Variants in TMEM71 observed in about 807,000 individuals in gnomAD.
The protein encoded by TMEM71 is transmembrane protein 71.
Under a neutral mutation model 38.0 loss-of-function variants are expected in TMEM71, and 44 were observed. The observed-to-expected ratio is 1.16, with a 90% confidence interval of 0.91 to 1.49. The LOEUF is 1.49. Among genes scored for constraint, TMEM71 ranks in the 40% most tolerant of loss-of-function variants. TMEM71 has a pLI of 0.00. For synonymous variants in TMEM71, 133 were observed against 122.5 expected (o/e 1.09, Z -0.56); for missense variants, 367 against 348.6 (o/e 1.05, Z -0.42).
chr8:132,735,482 G>A (rs1827696950), intron 5 of TMEM71, among the ~76,000 whole-genome samples: 1 of 152,214 alleles, frequency 6.6e-6, no homozygotes, highest in African/African-American at 2.4e-5. Flanking sequence ...TGGAAAGCAA[G>A]AAGTCTGGGG....
Position 132,746,957 on chromosome 8 carries a change from G to A in TMEM71, c.472C>T (p.His158Tyr). The change falls in exon 5 of 10, where the codon CAT (histidine) becomes TAT (tyrosine). Residue 158 changes from histidine to tyrosine, a missense_variant. Physicochemically the swap from His to Tyr is moderately conservative, Grantham distance 83. Coordinates refer to ENST00000677595, the MANE Select transcript of TMEM71 (RefSeq NM_001382403.1). ...LKGTRRLDTD[H>Y]CNGNADDLDC... The stretch of plus-strand genomic sequence containing the variant: ...TCAAACTCACCATTTCCATTGCAAT[G>A]GTCTGTGTCCAACCTCCTGGTCCCC... 6.2e-7 allele frequency: 1 copy of A among 1,602,788 alleles called. No homozygotes were observed. The highest frequency in any genetic ancestry group is 8.5e-7 in the Non-Finnish European group (1 of 1,176,634).
chr8:132,727,411 C>A (rs1656314259), intron 6 of TMEM71, among the ~76,000 whole-genome samples: 1 of 152,066 alleles, frequency 6.6e-6, no homozygotes, highest in Non-Finnish European at 1.5e-5. Context: ...CACCCGCCAC[C>A]ATGCCCAGCT....
intron 4 of TMEM71, among the ~76,000 whole-genome samples, chr8:132,749,041 C>T (rs1206950142): frequency 2.0e-5 from 3 of 152,198 alleles, no homozygotes; most frequent in Non-Finnish European, 4.4e-5. Flanking sequence ...TAGTCCCTAG[C>T]ACACAGAAAG....
At position 132,734,142 on chromosome 8, in the gene TMEM71, T is replaced by C. The variant is rs371646421; in HGVS notation, c.488-6156A>G. On this transcript the variant is annotated intron_variant, in intron 5 of 9. Coordinates refer to ENST00000677595, the MANE Select transcript of TMEM71 (RefSeq NM_001382403.1). ...GTATTTATTAATAAGGTAGCTCTCA[T>C]GTTATGTTCTTACACACACACACAC... Among the ~76,000 whole-genome samples the C allele has an allele frequency of 9.7e-4, 147 of 151,002 alleles. 3 individuals are homozygous for C. Among genetic ancestry groups the C allele is most frequent in the African/African-American group, 3.5e-3 (145 of 41,046 alleles).
At chr8:132,725,519 G>A (rs1827095174) in intron 6 of TMEM71, among the ~76,000 whole-genome samples, 1 of 152,112 alleles carries the variant, frequency 6.6e-6, no homozygotes, top group Non-Finnish European at 1.5e-5. Flanking sequence ...AATCCACTTT[G>A]AGTTGGGTTT....
chr8:132,713,865 A>C (rs779248356), intron 9 of TMEM71, 130 bp downstream of exon 9: 26 of 813,936 alleles, frequency 3.2e-5, no homozygotes, highest in Non-Finnish European at 4.6e-5. Context: ...AGTAACAGAA[A>C]GTAGTCTTCA....
chr8:132,748,473 A>C (rs1205685601), intron 4 of TMEM71, among the ~76,000 whole-genome samples: 1 of 152,214 alleles, frequency 6.6e-6, no homozygotes, highest in African/African-American at 2.4e-5. Flanking sequence ...AAATGTGAAT[A>C]GTGCTACTGT....
At position 132,758,834 on chromosome 8, in the gene TMEM71, A is replaced by G. The variant is rs768071748; in HGVS notation, c.40+6T>C. On this transcript the variant is annotated splice_donor_region_variant and intron_variant, in intron 2 of 9. Transcript: ENST00000677595. The stretch of plus-strand genomic sequence containing the variant: ...TAATTGCGTATCACAGTTCTTCTAC[A>G]TTTACTTGCTACTGGTGTTGACATC... The G allele has an allele frequency of 3.1e-6, 5 of 1,613,146 alleles. No individual in the cohort carries two copies. The highest frequency in any genetic ancestry group is 4.2e-6 in the Non-Finnish European group (5 of 1,179,194).
At chr8:132,736,444 A>T (rs1280648350) in intron 5 of TMEM71, among the ~76,000 whole-genome samples, 1 of 152,134 alleles carries the variant, frequency 6.6e-6, no homozygotes, top group African/African-American at 2.4e-5. Context: ...AAAGGGTACA[A>T]AATTCCAGTC....
intron 5 of TMEM71, among the ~76,000 whole-genome samples, chr8:132,734,346 A>C (rs1827629069): frequency 6.6e-6 from 1 of 152,118 alleles, no homozygotes; most frequent in Non-Finnish European, 1.5e-5. Context: ...CACCTCAATA[A>C]AGCTGTTAAA....
chr8:132,774,850 C>T, the TMEM71 span, among the ~76,000 whole-genome samples: 2 of 152,300 alleles, frequency 1.3e-5, no homozygotes, highest in South Asian at 2.1e-4. Flanking sequence ...TAGTAATATT[C>T]GTCTTTGTAT....
intron 5 of TMEM71, among the ~76,000 whole-genome samples, chr8:132,744,010 A>G (rs1828196724): frequency 6.6e-6 from 1 of 152,100 alleles, no homozygotes; most frequent in African/African-American, 2.4e-5. Context: ...CGAATTCCCC[A>G]TTATATCATA....
At chr8:132,749,690 G>A (rs1457360412) in intron 4 of TMEM71, among the ~76,000 whole-genome samples, 1 of 152,178 alleles carries the variant, frequency 6.6e-6, no homozygotes, top group East Asian at 1.9e-4. Flanking sequence ...AGTTAAGCTA[G>A]AACACTCATG....
At chr8:132,720,972 A>C (rs1465902288) in intron 7 of TMEM71, among the ~76,000 whole-genome samples, 1 of 152,242 alleles carries the variant, frequency 6.6e-6, no homozygotes, top group Non-Finnish European at 1.5e-5. Flanking sequence ...TAATCATGTC[A>C]CAGGTCAGGG....
intron 5 of TMEM71, among the ~76,000 whole-genome samples, chr8:132,744,175 CTACCACAG>C (rs1828206764): frequency 6.6e-6 from 1 of 151,842 alleles, no homozygotes; most frequent in Admixed American, 6.6e-5. Flanking sequence ...ATCCCCTGAC[CTACCACAG>C]TGCCTGGAAA....
intron 9 of TMEM71, 28 bp from the exon 10 acceptor site, chr8:132,711,010 G>A (rs375725082): frequency 2.9e-5 from 46 of 1,603,984 alleles, no homozygotes; most frequent in Non-Finnish European, 3.7e-5. Context: ...GAAAAGAAAT[G>A]CATAATTCAT....
chr8:132,769,057 T>G, the TMEM71 span, among the ~76,000 whole-genome samples: 1 of 152,242 alleles, frequency 6.6e-6, no homozygotes, highest in Admixed American at 6.5e-5. Flanking sequence ...CTGAAACTAG[T>G]GCTGTGTGCT....
intron 2 of TMEM71, chr8:132,758,116 A>G (rs1419705105): frequency 6.6e-6 from 1 of 152,176 alleles, no homozygotes; most frequent in Non-Finnish European, 1.5e-5. Context: ...TTTATATAAC[A>G]TTTTTCCAAA....
chr8:132,706,892 T>C (rs148166159), downstream of TMEM71, among the ~76,000 whole-genome samples: 975 of 152,260 alleles, frequency 6.4e-3, 8 homozygotes, highest in African/African-American at 0.018. Flanking sequence ...AATGACATAA[T>C]GTCACTCTTG....
Sources: gnomAD v4.1 joint callset for allele counts (sites outside exome capture counted in the v4.1 genomes callset) on GRCh38, gnomAD v4.1.1 for gene constraint, MANE v1.5 for transcripts, NCBI Gene and HGNC (gene_info 2026-07-23, HGNC 2026-07-21) for gene names.